NBAS: variants seen among roughly 807,000 people sequenced by gnomAD.
NBAS encodes the protein NBAS subunit of NRZ tethering complex.
A neutral mutation model predicts 302.5 loss-of-function variants in NBAS; 219 were observed. The observed-to-expected ratio is 0.72, with a 90% CI of 0.65 to 0.81. The LOEUF (loss-of-function observed/expected upper bound fraction) is 0.81, where lower values mean the gene tolerates loss of function less well. NBAS is among the 30% of genes least tolerant of loss of function. The probability of loss-of-function intolerance (pLI) is 0.00; values close to 1 mark genes in which losing one functional copy is unlikely to be tolerated. For missense variants in NBAS, 2,932 were observed against 2,841.6 expected, an observed-to-expected ratio of 1.03 and a Z score of -0.72; for synonymous variants, 1,118 against 1,021.6, an observed-to-expected ratio of 1.09 and a Z score of -1.80.
chr2:14,826,427 GTA>G, the NBAS span, among the ~76,000 whole-genome samples: 1 of 152,172 alleles, frequency 6.6e-6, no homozygotes, highest in Non-Finnish European at 1.5e-5. Flanking sequence ...ATGGGATGTG[GTA>G]TGTGTGTGAT....
At chr2:15,035,861 A>T in the NBAS span, among the ~76,000 whole-genome samples, 4 of 151,920 alleles carry the variant, frequency 2.6e-5, no homozygotes, top group African/African-American at 9.7e-5. Flanking sequence ...CGAGGCCTGT[A>T]GGGGGTGGGA....
At chr2:15,297,407 C>T (rs1455199102) in intron 40 of NBAS, among the ~76,000 whole-genome samples, 3 of 152,108 alleles carry the variant, frequency 2.0e-5, no homozygotes, top group Non-Finnish European at 4.4e-5. Flanking sequence ...AATTGTAATC[C>T]CCATGTGCTG....
chr2:15,478,358 G>T, intron 12 of NBAS, 69 bp from the exon 13 acceptor site: 1 of 1,162,910 alleles, frequency 8.6e-7, no homozygotes, highest in Non-Finnish European at 1.3e-6. Context: ...ATCAAGAACT[G>T]TGGACTTTTT....
intron 8 of NBAS, among the ~76,000 whole-genome samples, chr2:15,534,999 T>C (rs1663414810): frequency 6.6e-6 from 1 of 152,194 alleles, no homozygotes; most frequent in Non-Finnish European, 1.5e-5. Flanking sequence ...AATAGAAGAA[T>C]GGATTTCTAA....
chr2:15,201,484 C>G (rs1203991767), intron 48 of NBAS, among the ~76,000 whole-genome samples: 3 of 152,168 alleles, frequency 2.0e-5, no homozygotes, highest in African/African-American at 7.2e-5. Flanking sequence ...CAGTCATAAG[C>G]TGTTGACTAC....
At chr2:14,780,389 C>G in the NBAS span, among the ~76,000 whole-genome samples, 1 of 152,204 alleles carries the variant, frequency 6.6e-6, no homozygotes, top group Non-Finnish European at 1.5e-5. Context: ...ACTCTGCATT[C>G]CTGCAGGAAA....
chr2:15,500,217 CA>C (rs1384083632), intron 11 of NBAS, among the ~76,000 whole-genome samples: 3 of 152,042 alleles, frequency 2.0e-5, no homozygotes, highest in Non-Finnish European at 4.4e-5. Flanking sequence ...TTCAAATATA[CA>C]AACTGTATTA....
chr2:14,834,725 G>A, the NBAS span, among the ~76,000 whole-genome samples: 1 of 152,042 alleles, frequency 6.6e-6, no homozygotes, highest in Non-Finnish European at 1.5e-5. Context: ...CTTTAATAAA[G>A]AAGACACTTT....
intron 12 of NBAS, among the ~76,000 whole-genome samples, chr2:15,485,827 C>T (rs1354962888): frequency 6.6e-6 from 1 of 151,690 alleles, no homozygotes; most frequent in African/African-American, 2.4e-5. Context: ...GGAAGTAGAG[C>T]AAAGCAGCAT....
chr2:15,110,577 T>C, the NBAS span, among the ~76,000 whole-genome samples: 1 of 152,162 alleles, frequency 6.6e-6, no homozygotes, highest in Non-Finnish European at 1.5e-5. Flanking sequence ...AGAGGCATTA[T>C]GTGAGAATCT....
At chr2:15,360,563 T>C (rs1673859917) in intron 32 of NBAS, among the ~76,000 whole-genome samples, 2 of 151,710 alleles carry the variant, frequency 1.3e-5, no homozygotes, top group Admixed American at 1.3e-4. Flanking sequence ...TTTCTCAGGA[T>C]GGTGTGGAAC....
intron 9 of NBAS, among the ~76,000 whole-genome samples, chr2:15,531,700 T>C (rs1474469359): frequency 6.6e-6 from 1 of 152,220 alleles, no homozygotes; most frequent in Admixed American, 6.5e-5. Flanking sequence ...TTCACTGCTG[T>C]TCCTAGAAAA....
chr2:15,004,588 A>G, the NBAS span, among the ~76,000 whole-genome samples: 1 of 151,726 alleles, frequency 6.6e-6, no homozygotes, highest in Admixed American at 6.6e-5. Flanking sequence ...GGCAGCCTCA[A>G]CCACCAGGCT....
the NBAS span, among the ~76,000 whole-genome samples, chr2:14,972,214 A>G: frequency 6.6e-6 from 1 of 151,890 alleles, no homozygotes. Flanking sequence ...AAAACCAAAC[A>G]CTGCATGTTC....
rs576202458 is a variant in NBAS, at chr2:15,510,018, T to C, written c.885+1194A>G. Among the ~76,000 whole-genome samples, 31 of 152,272 alleles carry C rather than the reference T, an allele frequency of 2.0e-4. 1 individual carries two copies. Among genetic ancestry groups the C allele is most frequent in the Admixed American group, 2.0e-3 (30 of 15,296 alleles). ...GTGCACACCACCAGGCCCAGCTAAT[T>C]TTTATATTTTTAGTAGAGACGGGGT... On this transcript the variant is annotated intron_variant, in intron 10 of 51. Transcript: ENST00000281513.
At chr2:15,343,103 A>G (rs1029921771) in intron 35 of NBAS, among the ~76,000 whole-genome samples, 2 of 152,148 alleles carry the variant, frequency 1.3e-5, no homozygotes, top group Non-Finnish European at 2.9e-5. Flanking sequence ...CATACCCTGC[A>G]AAGAAAAAAC....
chr2:15,334,858 C>T (rs1672505923), intron 35 of NBAS, among the ~76,000 whole-genome samples: 1 of 152,170 alleles, frequency 6.6e-6, no homozygotes, highest in Non-Finnish European at 1.5e-5. Context: ...GGCAAAGAAA[C>T]ATAACACCAC....
chr2:15,162,622 C>T (rs1156564297), downstream of NBAS, among the ~76,000 whole-genome samples: 2 of 152,194 alleles, frequency 1.3e-5, no homozygotes, highest in East Asian at 3.8e-4. Flanking sequence ...AGTCTAAGAA[C>T]TCTGGATTCA....
intron 11 of NBAS, among the ~76,000 whole-genome samples, chr2:15,503,578 C>T (rs559121102): frequency 2.0e-5 from 3 of 152,246 alleles, no homozygotes; most frequent in Admixed American, 6.5e-5. Flanking sequence ...ATGTAACCAC[C>T]TCACAGAGGC....
Sources: allele counts gnomAD v4.1 joint callset (sites outside exome capture counted in the v4.1 genomes callset), GRCh38; gene constraint gnomAD v4.1.1; transcripts MANE v1.5; gene names NCBI Gene and HGNC (gene_info 2026-07-23, HGNC 2026-07-21).